The following F10 variants were observed in gnomAD, a reference collection of about 807,000 sequenced individuals.
F10 encodes the protein Stuart-Prower factor.
In F10, 29 loss-of-function variants were observed where a neutral mutation model predicts 37.1. The ratio of observed to expected loss-of-function variants is 0.78; its 90% confidence interval spans 0.58 to 1.07. The LOEUF (loss-of-function observed/expected upper bound fraction) is 1.07. F10 is among the 50% of genes least tolerant of loss of function. The probability of loss-of-function intolerance (pLI) is 0.00; values close to 1 mark genes in which losing one functional copy is unlikely to be tolerated. For missense variants in F10, 539 were observed against 667.9 expected (o/e 0.81, Z 2.13); for synonymous variants, 262 against 268.6 (o/e 0.98, Z 0.24).
chr13:113,143,847 T>C lies in F10; in HGVS notation c.503-4T>C, dbSNP rs2036555343. 1.1e-5 allele frequency: 17 copies of C among 1,611,952 alleles called. No homozygotes were observed. Among genetic ancestry groups the C allele is most frequent in the African/African-American group, 1.3e-5 (1 of 74,902 alleles). On this transcript the variant is annotated splice_polypyrimidine_tract_variant and splice_region_variant and intron_variant, in intron 5 of 7. Transcript: ENST00000375559. The surrounding 1 kb of genome is among the most constrained non-coding windows in gnomAD (Gnocchi z 6.8). ...GAAGGCCCCGGCCGTCCTCTTTCTTTCAGGGCCCTACCCCTGTGGGAAACA... is the reference window on the plus strand; with the variant it reads ...GAAGGCCCCGGCCGTCCTCTTTCTTCCAGGGCCCTACCCCTGTGGGAAACA...
At chr13:113,137,523 T>C (rs1273569083) in intron 2 of F10, among the ~76,000 whole-genome samples, 2 of 152,148 alleles carry the variant, frequency 1.3e-5, no homozygotes, top group African/African-American at 2.4e-5. Context: ...AAGAAGATAG[T>C]GTATTTGCTT....
intron 2 of F10, among the ~76,000 whole-genome samples, chr13:113,137,270 A>T (rs1181487481): frequency 6.6e-6 from 1 of 152,178 alleles, no homozygotes; most frequent in Admixed American, 6.5e-5. Flanking sequence ...AAACACTTTC[A>T]TTTACATGAC....
intron 4 of F10, chr13:113,140,699 A>G: frequency 4.2e-6 from 3 of 713,784 alleles, no homozygotes; most frequent in Non-Finnish European, 5.1e-6. Flanking sequence ...AGGTACCTGG[A>G]GCCTGGCTTC....
intron 1 of F10, among the ~76,000 whole-genome samples, chr13:113,123,960 G>A (rs2036346160): frequency 6.6e-6 from 1 of 152,224 alleles, no homozygotes. Flanking sequence ...ACTGCCCCCT[G>A]CAGGAGCCCA....
In F10 at chr13:113,139,222, G is replaced by C. The variant is rs2036505218; in HGVS notation, c.257-135G>C. On this transcript the variant is annotated intron_variant, in intron 3 of 7. Coordinates refer to ENST00000375559, the MANE Select transcript of F10 (RefSeq NM_000504.4). The surrounding 1 kb of genome is among the most constrained non-coding windows in gnomAD (Gnocchi z 5.2). ...GGTGGATCAAATAAAGTCCAAAGAG[G>C]GGGAGTTGTTTACAGAGAAACCGGA... The C allele has an allele frequency of 1.4e-6, 1 of 697,280 alleles. No individual in the cohort carries two copies. The highest frequency in any genetic ancestry group is 2.6e-6 in the Non-Finnish European group (1 of 391,092). The allele number at this position is 697,280 out of a possible 1,614,324, so 43.2% of individuals were successfully genotyped here.
intron 2 of F10, chr13:113,131,729 AAGAGGGTCTC>A (rs149584273): frequency 1.3e-5 from 2 of 152,294 alleles, no homozygotes; most frequent in Non-Finnish European, 2.9e-5. Flanking sequence ...TGATCTCTCT[AAGAGGGTCTC>A]ACTGAGCACT....
intron 6 of F10, among the ~76,000 whole-genome samples, chr13:113,145,514 G>A (rs1412513844): frequency 6.6e-6 from 1 of 151,584 alleles, no homozygotes; most frequent in African/African-American, 2.4e-5. Context: ...AGTATCGCAT[G>A]AAGCATACAT....
intron 1 of F10, among the ~76,000 whole-genome samples, chr13:113,126,636 G>A (rs531340186): frequency 6.6e-6 from 1 of 152,202 alleles, no homozygotes; most frequent in Non-Finnish European, 1.5e-5. Flanking sequence ...CTGGCCACAA[G>A]GAAGGAGACC....
In F10 at chr13:113,148,101, G is replaced by A. The variant is rs538979005; in HGVS notation, c.865+605G>A. Among the ~76,000 whole-genome samples the A allele has an allele frequency of 6.5e-4, 99 of 151,880 alleles. 1 individual carries two copies. The highest frequency in any genetic ancestry group is 1.1e-3 in the Non-Finnish European group (73 of 67,948). On this transcript the variant is annotated intron_variant, in intron 7 of 7. Coordinates refer to ENST00000375559, the MANE Select transcript of F10 (RefSeq NM_000504.4). ...TCCCAGCACTTTGGGAGGCTGAGGC[G>A]GGCAGATCACCTGAGGTCAGGAGTT...
intron 6 of F10, among the ~76,000 whole-genome samples, chr13:113,145,880 G>A (rs978350324): frequency 6.6e-6 from 1 of 152,328 alleles, no homozygotes; most frequent in Non-Finnish European, 1.5e-5. Flanking sequence ...CGGGAAATAT[G>A]GGAGCTACAG....
In F10 at chr13:113,143,669, G is replaced by A. The variant is rs989006596; in HGVS notation, c.503-182G>A. Among the ~76,000 whole-genome samples, 2 of 152,008 alleles carry A rather than the reference G, an allele frequency of 1.3e-5. No homozygotes were observed. The highest frequency in any genetic ancestry group is 2.1e-4 in the South Asian group (1 of 4,820). ...GGGAGGCCAACGCTCGGACAGCTGC[G>A]CTCACCTGCAGATCCGACCCCTGCC... On this transcript the variant is annotated intron_variant, in intron 5 of 7. Coordinates refer to ENST00000375559, the MANE Select transcript of F10 (RefSeq NM_000504.4). This position sits in a 1 kb window ranked among gnomAD's most constrained non-coding sequence, Gnocchi z 6.8.
intron 4 of F10, chr13:113,140,425 A>G: frequency 2.3e-6 from 1 of 438,172 alleles, no homozygotes; most frequent in Non-Finnish European, 4.7e-6. Flanking sequence ...ATTACTTTTG[A>G]GTTTTCCCTG....
In F10 at chr13:113,144,276, C is replaced by G; in HGVS notation, c.747+181C>G. 1.1e-6 allele frequency: 1 copy of G among 896,332 alleles called. No individual in the cohort carries two copies. Among genetic ancestry groups the G allele is most frequent in the Non-Finnish European group, 1.7e-6 (1 of 585,018 alleles). 55.5% of individuals were successfully genotyped at this position (896,332 alleles called of 1,614,324 possible). ...CCCTCCCTCCGGGCAGCCAAGGAGG[C>G]TGTGAGCTCCACAGGGAAGTGGCCG... On this transcript the variant is annotated intron_variant, in intron 6 of 7. Transcript: ENST00000375559. The surrounding 1 kb of genome is among the most constrained non-coding windows in gnomAD (Gnocchi z 6.4).
intron 2 of F10, among the ~76,000 whole-genome samples, chr13:113,135,698 C>CA (rs1269769008): frequency 6.6e-5 from 10 of 151,988 alleles, no homozygotes; most frequent in Non-Finnish European, 1.2e-4. Flanking sequence ...TATTTATATG[C>CA]AAAAAAATGA....
At position 113,144,065 on chromosome 13, in the gene F10, G is replaced by C; in HGVS notation, c.717G>C (p.Gln239His). Residue 239 changes from glutamine (Q) to histidine (H), a missense_variant, in exon 6 of 8, where the codon CAG (glutamine) becomes CAC (histidine). By Grantham distance (24) the Gln-to-His change is conservative. Transcript: ENST00000375559. This position sits in a 1 kb window ranked among gnomAD's most constrained non-coding sequence, Gnocchi z 6.4. ...DNNLTRIVGG[Q>H]ECKDGECPWQ... ...ACCTCACCAGGATCGTGGGAGGCCA[G>C]GAATGCAAGGACGGGGAGTGTCCCT... 6.2e-7 allele frequency: 1 copy of C among 1,614,000 alleles called. No homozygotes were observed. Among genetic ancestry groups the C allele is most frequent in the South Asian group, 1.1e-5 (1 of 91,082 alleles).
In F10 at chr13:113,122,810, A is replaced by G; in HGVS notation, c.-46A>G. The G allele has an allele frequency of 1.2e-6, 2 of 1,602,520 alleles. No homozygotes were observed. Among genetic ancestry groups the G allele is most frequent in the Non-Finnish European group, 1.7e-6 (2 of 1,177,298 alleles). ...CCAGCTGGGGCGTGGACTTTGCTCC[A>G]GCAGCCTGTCCCAGTGAGGACAGGG... On this transcript the variant is annotated 5_prime_UTR_variant, in exon 1 of 8. Coordinates refer to ENST00000375559, the MANE Select transcript of F10 (RefSeq NM_000504.4).
At chr13:113,136,067 G>A (rs1417053270) in intron 2 of F10, among the ~76,000 whole-genome samples, 1 of 152,070 alleles carries the variant, frequency 6.6e-6, no homozygotes, top group Non-Finnish European at 1.5e-5. Flanking sequence ...TAAACACTCA[G>A]TTAAACAAAA....
chr13:113,132,428 C>T (rs1003764225), intron 2 of F10, among the ~76,000 whole-genome samples: 12 of 152,200 alleles, frequency 7.9e-5, no homozygotes, highest in African/African-American at 2.9e-4. Flanking sequence ...TAAGTTATTT[C>T]TAAATATTGC....
intron 2 of F10, among the ~76,000 whole-genome samples, chr13:113,134,234 A>G (rs1445996151): frequency 2.0e-5 from 3 of 152,204 alleles, no homozygotes; most frequent in African/African-American, 7.2e-5. Flanking sequence ...TTTGAAGATG[A>G]CATGATCATG....
Sources: allele counts gnomAD v4.1 joint callset (sites outside exome capture counted in the v4.1 genomes callset), GRCh38; gene constraint gnomAD v4.1.1; non-coding constraint Gnocchi (gnomAD v3.1); transcripts MANE v1.5; gene names NCBI Gene and HGNC (gene_info 2026-07-23, HGNC 2026-07-21).